SORCS3: variants seen among roughly 807,000 people sequenced by gnomAD.
SORCS3 encodes the protein sortilin related VPS10 domain containing receptor 3, also known as VPS10 domain-containing receptor SorCS3.
SORCS3 carries 57 observed loss-of-function variants against 146.3 expected under a neutral mutation model. That is an observed-to-expected ratio of 0.39 (90% CI 0.31 to 0.49). The LOEUF is 0.49. Among genes scored for constraint, SORCS3 ranks in the 20% least tolerant of loss-of-function variants. SORCS3 has a pLI of 0.92. For missense variants in SORCS3, 1,341 were observed against 1,575.5 expected, an observed-to-expected ratio of 0.85 and a Z score of 2.52; for synonymous variants, 653 against 618.5, an observed-to-expected ratio of 1.06 and a Z score of -0.83.
chr10:105,063,648 A>C (rs1035445840), intron 5 of SORCS3, among the ~76,000 whole-genome samples: 4 of 152,204 alleles, frequency 2.6e-5, no homozygotes, highest in African/African-American at 9.6e-5. Flanking sequence ...AGACCCAGTA[A>C]ATTGACTGAC....
intron 9 of SORCS3, among the ~76,000 whole-genome samples, chr10:105,156,172 A>C (rs943677338): frequency 6.6e-6 from 1 of 152,164 alleles, no homozygotes; most frequent in East Asian, 1.9e-4. Flanking sequence ...CATTGAACCT[A>C]TTGTTTATAT....
intron 1 of SORCS3, among the ~76,000 whole-genome samples, chr10:104,835,777 TC>T (rs1180594463): frequency 6.6e-6 from 1 of 152,186 alleles, no homozygotes; most frequent in African/African-American, 2.4e-5. Flanking sequence ...CTGAAACCTT[TC>T]CACCAAATAT....
At chr10:104,661,299 G>T (rs11192152) in intron 1 of SORCS3, among the ~76,000 whole-genome samples, 18,542 of 152,150 alleles carry the variant, frequency 0.12, 1,144 homozygotes, top group Non-Finnish European at 0.15. Context: ...ATAAGAAATA[G>T]GGGAGTATTT....
chr10:104,920,198 T>G (rs575997109), intron 3 of SORCS3, among the ~76,000 whole-genome samples: 9 of 152,346 alleles, frequency 5.9e-5, no homozygotes, highest in African/African-American at 1.9e-4. Flanking sequence ...GCTTTTCACC[T>G]AATGAGTTAT....
chr10:105,084,974 C>T (rs2055650454), intron 5 of SORCS3, among the ~76,000 whole-genome samples: 1 of 152,114 alleles, frequency 6.6e-6, no homozygotes, highest in Non-Finnish European at 1.5e-5. Flanking sequence ...TCGTGATCCG[C>T]CCGACTCGGC....
intron 8 of SORCS3, among the ~76,000 whole-genome samples, chr10:105,145,990 A>G (rs1013172431): frequency 1.3e-5 from 2 of 152,068 alleles, no homozygotes; most frequent in Non-Finnish European, 2.9e-5. Flanking sequence ...AACGGTTTCT[A>G]GGAAAGGTTG....
rs112887043 is a variant in SORCS3, at chr10:104,864,904, A to C, written c.695+22045A>C. Among the ~76,000 whole-genome samples the C allele has an allele frequency of 1.9e-3, 294 of 152,152 alleles. 2 individuals carry two copies. Among genetic ancestry groups the C allele is most frequent in the African/African-American group, 6.7e-3 (277 of 41,508 alleles). ...CTACCTTCCCCTGGTGCCCCCAGCC[A>C]ATCACATTTTTCACAGATCTGGTCT... On this transcript the variant is annotated intron_variant, in intron 2 of 26. Transcript: ENST00000369701.
intron 1 of SORCS3, chr10:104,666,120 A>G (rs1189409767): frequency 1.3e-5 from 2 of 152,058 alleles, no homozygotes; most frequent in Non-Finnish European, 2.9e-5. Context: ...CAGAACTGGA[A>G]CTTTCCCTCT....
intron 3 of SORCS3, among the ~76,000 whole-genome samples, chr10:104,941,845 G>C (rs1268766844): frequency 6.6e-6 from 1 of 152,140 alleles, no homozygotes; most frequent in African/African-American, 2.4e-5. Context: ...CTCCCCACTA[G>C]GGGAAAGAGT....
chr10:105,038,044 C>G (rs76230834), intron 4 of SORCS3, among the ~76,000 whole-genome samples: 1 of 152,120 alleles, frequency 6.6e-6, no homozygotes, highest in East Asian at 1.9e-4. Context: ...ATTTAGTCCT[C>G]GCTCTGTGTT....
intron 5 of SORCS3, among the ~76,000 whole-genome samples, chr10:105,078,570 G>A (rs572706594): frequency 6.6e-6 from 1 of 152,192 alleles, no homozygotes; most frequent in East Asian, 1.9e-4. Context: ...AAAGATTGAG[G>A]TCATATATCT....
At chr10:104,668,780 G>A (rs1460527881) in intron 1 of SORCS3, among the ~76,000 whole-genome samples, 1 of 152,182 alleles carries the variant, frequency 6.6e-6, no homozygotes, top group Admixed American at 6.5e-5. Flanking sequence ...CATTTTAATT[G>A]TTCACCATTT....
intron 1 of SORCS3, among the ~76,000 whole-genome samples, chr10:104,671,146 C>T (rs993725722): frequency 5.3e-5 from 8 of 150,324 alleles, no homozygotes; most frequent in Non-Finnish European, 7.4e-5. Flanking sequence ...TTTTTCTTGC[C>T]GAATTGCTCT....
chr10:104,669,598 A>G (rs1564655375), intron 1 of SORCS3, among the ~76,000 whole-genome samples: 1 of 152,204 alleles, frequency 6.6e-6, no homozygotes, highest in South Asian at 2.1e-4. Flanking sequence ...ATAATATTCC[A>G]TTGTATGTAT....
chr10:105,020,499 T>G (rs2133688271), intron 4 of SORCS3, among the ~76,000 whole-genome samples: 1 of 152,296 alleles, frequency 6.6e-6, no homozygotes, highest in Non-Finnish European at 1.5e-5. Flanking sequence ...GTCAGATGAA[T>G]ATTGGGGATA....
At chr10:105,050,802 C>T (rs2055405348) in intron 5 of SORCS3, among the ~76,000 whole-genome samples, 1 of 152,114 alleles carries the variant, frequency 6.6e-6, no homozygotes, top group African/African-American at 2.4e-5. Context: ...TATTTTATAA[C>T]ATAATGTTCT....
At chr10:105,010,682 C>T (rs1426758982) in intron 4 of SORCS3, among the ~76,000 whole-genome samples, 1 of 151,486 alleles carries the variant, frequency 6.6e-6, no homozygotes, top group East Asian at 1.9e-4. Flanking sequence ...CAGTGAAGTG[C>T]ATTTAAATGA....
intron 19 of SORCS3, among the ~76,000 whole-genome samples, chr10:105,221,172 A>G (rs1202686966): frequency 6.6e-6 from 1 of 152,198 alleles, no homozygotes; most frequent in Non-Finnish European, 1.5e-5. Context: ...AAATAAGTAC[A>G]TAATAGAAAC....
intron 14 of SORCS3, among the ~76,000 whole-genome samples, chr10:105,182,937 A>T (rs1321804564): frequency 1.3e-5 from 2 of 152,118 alleles, no homozygotes; most frequent in African/African-American, 4.8e-5. Flanking sequence ...TCCTGAGCTC[A>T]AGTGATCTGC....
Sources: allele counts gnomAD v4.1 joint callset (sites outside exome capture counted in the v4.1 genomes callset), GRCh38; gene constraint gnomAD v4.1.1; transcripts MANE v1.5; gene names NCBI Gene and HGNC (gene_info 2026-07-23, HGNC 2026-07-21).